KDM3A: variants seen among roughly 807,000 people sequenced by gnomAD.
KDM3A encodes the protein lysine-specific demethylase 3A.
In KDM3A, 60 loss-of-function variants were observed where a neutral mutation model predicts 158.0. The ratio of observed to expected loss-of-function variants is 0.38; its 90% CI spans 0.31 to 0.47. The LOEUF (loss-of-function observed/expected upper bound fraction) is 0.47. Among genes scored for constraint, KDM3A ranks in the 20% least tolerant of loss-of-function variants. The pLI, the probability that KDM3A is intolerant of heterozygous loss-of-function variation, is 0.99. For synonymous variants in KDM3A, 608 were observed against 549.3 expected (o/e 1.11, Z -1.49); for missense variants, 1,319 against 1,574.3 (o/e 0.84, Z 2.74).
rs181218041 is a variant in KDM3A, at chr2:86,451,883, C to G, written c.453+670C>G. On this transcript the variant is annotated intron_variant, in intron 4 of 25. Transcript: ENST00000312912. ...ATGAAAATAATATTTAAAAGTAGACCGTTGTTTATATACATATATGTGCAT... is the reference window on the plus strand; with the variant it reads ...ATGAAAATAATATTTAAAAGTAGACGGTTGTTTATATACATATATGTGCAT... Among the ~76,000 whole-genome samples, 3 of 152,150 alleles carry G rather than the reference C, an allele frequency of 2.0e-5. No homozygotes were observed. The East Asian group carries it at 5.8e-4, about 29-fold the overall frequency.
At chr2:86,441,768 C>G (rs987394747) in intron 1 of KDM3A, among the ~76,000 whole-genome samples, 4 of 150,790 alleles carry the variant, frequency 2.7e-5, no homozygotes, top group Non-Finnish European at 5.9e-5. Flanking sequence ...CTCACTCCCT[C>G]TGCGGTTGCG....
rs1348519459 is a variant in KDM3A, at chr2:86,480,199, T to C, written c.2349T>C (p.Gly783=). 1 of 1,613,152 alleles carries C rather than the reference T, an allele frequency of 6.2e-7. No individual in the cohort carries two copies. The highest frequency in any genetic ancestry group is 1.3e-5 in the African/African-American group (1 of 74,906). ...TSLAGEKPTL[G]AVLQQNPSVL... ...TAGCTGGAGAAAAACCGACTCTTGGTGCAGTGCTCCAGCAGAATCCCTCAG... is the reference window on the plus strand; with the variant it reads ...TAGCTGGAGAAAAACCGACTCTTGGCGCAGTGCTCCAGCAGAATCCCTCAG... The change falls in exon 16 of 26, where the codon GGT becomes GGC. Residue 783 remains glycine, a synonymous_variant. Coordinates refer to ENST00000312912, the MANE Select transcript of KDM3A (RefSeq NM_018433.6).
At position 86,442,103 on chromosome 2, in the gene KDM3A, G is replaced by A. The variant is rs1270469744; in HGVS notation, c.56G>A (p.Ser19Asn). The part of the protein sequence containing the change: ...WPVLVGRRFL[S>N]LSAADGSDGS... ...GTATTGGTGGGGAGGAGGTTTCTCAGTCTGTCCGCAGCCGACGGCAGCGAT... is the reference window on the plus strand; with the variant it reads ...GTATTGGTGGGGAGGAGGTTTCTCAATCTGTCCGCAGCCGACGGCAGCGAT... Residue 19 changes from serine (S) to asparagine (N), a missense_variant, in exon 2 of 26, where the codon AGT becomes AAT. Ser to Asn is a conservative substitution (Grantham distance 46). Coordinates refer to ENST00000312912, the MANE Select transcript of KDM3A (RefSeq NM_018433.6). 1 of 1,614,180 alleles carries A rather than the reference G, an allele frequency of 6.2e-7. No individual in the cohort carries two copies.
intron 2 of KDM3A, chr2:86,443,433 C>T (rs1292665135): frequency 1.3e-5 from 2 of 152,248 alleles, no homozygotes; most frequent in South Asian, 2.1e-4. Context: ...AGTGTTGTGC[C>T]TTGTCTCTTG....
intron 8 of KDM3A, among the ~76,000 whole-genome samples, chr2:86,463,043 A>G (rs2104657044): frequency 6.6e-6 from 1 of 152,336 alleles, no homozygotes; most frequent in East Asian, 1.9e-4. Context: ...ATGAACCAAG[A>G]TGGCGCTGCT....
intron 18 of KDM3A, 153 bp downstream of exon 18, chr2:86,482,847 G>T: frequency 1.4e-6 from 1 of 727,532 alleles, no homozygotes; most frequent in Non-Finnish European, 2.3e-6. Context: ...GTCAGGATGT[G>T]GCCATGGGTC....
At chr2:86,445,509 G>A (rs973696400) in intron 2 of KDM3A, among the ~76,000 whole-genome samples, 1 of 152,024 alleles carries the variant, frequency 6.6e-6, no homozygotes, top group African/African-American at 2.4e-5. Flanking sequence ...TGAGTCTAAT[G>A]CCCTGCTTCC....
chr2:86,478,170 G>A lies in KDM3A; in HGVS notation c.2093G>A (p.Gly698Asp). 1 of 1,613,678 alleles carries A rather than the reference G, an allele frequency of 6.2e-7. No homozygotes were observed. The highest frequency in any genetic ancestry group is 2.2e-5 in the East Asian group (1 of 44,882). Residue 698 changes from glycine (G) to aspartate (D), a missense_variant and splice_region_variant, in exon 14 of 26, where the codon GGT becomes GAT. This residue lies in a region of KDM3A where 368 missense variants were observed against 415.8 expected (regional missense o/e 0.89). Transcript: ENST00000312912. ...GTTACTACAAATCAGTTATTTGCAG[G>A]TGCTGCTTACAAGACTTTCTCTTGG... The part of the protein sequence containing the change: ...YRMKRKNCQQ[G>D]AAYKTFSWLK...
chr2:86,464,273 A>T, intron 9 of KDM3A, 57 bp downstream of exon 9: 1 of 1,257,540 alleles, frequency 8.0e-7, no homozygotes, highest in Non-Finnish European at 1.1e-6. Flanking sequence ...TATTTTAGTC[A>T]TGGCTCATTG....
intron 23 of KDM3A, chr2:86,490,609 G>A (rs1286346633): frequency 2.2e-5 from 6 of 267,834 alleles, no homozygotes; most frequent in Non-Finnish European, 4.2e-5. Flanking sequence ...TAAAAATCTA[G>A]ACTAAAATAT....
chr2:86,470,773 C>T lies in KDM3A; in HGVS notation c.1724+365C>T, dbSNP rs140380320. ...TGGTATACCTAGTTGGTATATTGCA[C>T]ACCCTGTTTTGAATCTTACTTTCCC... On this transcript the variant is annotated intron_variant, in intron 11 of 25. Transcript: ENST00000312912. Among the ~76,000 whole-genome samples the T allele has an allele frequency of 1.5e-3, 229 of 152,270 alleles. 2 individuals are homozygous for T. Among genetic ancestry groups the T allele is most frequent in the African/African-American group, 5.3e-3 (221 of 41,534 alleles).
intron 8 of KDM3A, among the ~76,000 whole-genome samples, chr2:86,462,496 A>G (rs1433449687): frequency 6.6e-6 from 1 of 152,186 alleles, no homozygotes; most frequent in African/African-American, 2.4e-5. Flanking sequence ...GGAATAAACA[A>G]ATTTCCTCAT....
chr2:86,473,842 G>A (rs1479155461), intron 11 of KDM3A, among the ~76,000 whole-genome samples: 1 of 152,212 alleles, frequency 6.6e-6, no homozygotes, highest in African/African-American at 2.4e-5. Flanking sequence ...ATTGAAGGCA[G>A]ATAATGAACA....
In KDM3A at chr2:86,475,031, T is replaced by G. The variant is rs751713907; in HGVS notation, c.1939+41T>G. On this transcript the variant is annotated intron_variant, in intron 12 of 25. Coordinates refer to ENST00000312912, the MANE Select transcript of KDM3A (RefSeq NM_018433.6). ...AGGGGGTAGGATTTTCGAGCCCAAT[T>G]TGATTTTTGTTCCTAAGTGACACCT... 11 of 1,514,412 alleles carry G rather than the reference T, an allele frequency of 7.3e-6. No individual in the cohort carries two copies. In the East Asian group the frequency reaches 2.3e-4, roughly 31 times the overall value. The allele number at this position is 1,514,412 out of a possible 1,614,324, so 93.8% of individuals were successfully genotyped here. A position where few individuals can be genotyped will look rare whatever the true frequency, so the allele number is the denominator to read the frequency against.
chr2:86,455,372 C>T (rs1332235771), intron 5 of KDM3A, among the ~76,000 whole-genome samples, 185 bp downstream of exon 5: 1 of 150,966 alleles, frequency 6.6e-6, no homozygotes, highest in Non-Finnish European at 1.5e-5. Context: ...GCAACCTCTG[C>T]CTTACAAGTA....
chr2:86,471,457 A>G (rs994309577), intron 11 of KDM3A, among the ~76,000 whole-genome samples: 18 of 152,114 alleles, frequency 1.2e-4, no homozygotes, highest in Non-Finnish European at 2.1e-4. Flanking sequence ...AAGCAGCCCT[A>G]TCTTTTTTGT....
In KDM3A at chr2:86,491,059, C is replaced by A. The variant is rs959461168; in HGVS notation, c.3750+2C>A. Reference sequence around the variant, plus strand: ...ATCCCGGCAGGAGCTCCACATCAGGCAAGAATCATTACTTTTTCTTTAATC... The same window carrying A: ...ATCCCGGCAGGAGCTCCACATCAGGAAAGAATCATTACTTTTTCTTTAATC... On this transcript the variant is annotated splice_donor_variant, in intron 24 of 25. Coordinates refer to ENST00000312912, the MANE Select transcript of KDM3A (RefSeq NM_018433.6). LOFTEE classifies it high-confidence loss of function. 10 of 1,613,140 alleles carry A rather than the reference C, an allele frequency of 6.2e-6. No homozygotes were observed. In the African/African-American group the frequency reaches 1.3e-4, roughly 22 times the overall value.
rs1377024963 is a variant in KDM3A at position 86,474,829 on chromosome 2, A to C, written c.1778A>C (p.Asn593Thr). 1 of 1,613,686 alleles carries C rather than the reference A, an allele frequency of 6.2e-7. No homozygotes were observed. The highest frequency in any genetic ancestry group is 1.1e-5 in the South Asian group (1 of 91,060). Residue 593 changes from asparagine (N) to threonine (T), a missense_variant, in exon 12 of 26, where the codon AAC becomes ACC. Coordinates refer to ENST00000312912, the MANE Select transcript of KDM3A (RefSeq NM_018433.6). ...CGGGTAGAAGGCTTCTTAACACCAA[A>C]CAAGTATGACAATGAAGCAATTGGC... ...VLRVEGFLTP[N>T]KYDNEAIGLW... is the part of the protein sequence containing the mutation.
At position 86,470,424 on chromosome 2, in the gene KDM3A, A is replaced by G. The variant is rs751360296; in HGVS notation, c.1724+16A>G. ...ACTTCAGGAGGTGAGGCATTTTGGG[A>G]AAAGTTCAGATAATCTGGGCATACT... On this transcript the variant is annotated intron_variant, in intron 11 of 25. Transcript: ENST00000312912. The G allele has an allele frequency of 6.2e-7, 1 of 1,609,962 alleles. No individual in the cohort carries two copies. The highest frequency in any genetic ancestry group is 1.7e-5 in the Admixed American group (1 of 59,968).
Sources: allele counts gnomAD v4.1 joint callset (sites outside exome capture counted in the v4.1 genomes callset), GRCh38; gene constraint gnomAD v4.1.1; regional missense constraint gnomAD v4.1.1; transcripts MANE v1.5; gene names NCBI Gene and HGNC (gene_info 2026-07-23, HGNC 2026-07-21).